Variants in SPEG observed in about 807,000 individuals in gnomAD.
SPEG encodes striated muscle preferentially expressed protein kinase.
In SPEG, 114 loss-of-function variants were observed where a neutral mutation model predicts 300.4. The ratio of observed to expected loss-of-function variants is 0.38; its 90% CI spans 0.33 to 0.44. SPEG has a LOEUF of 0.44. SPEG is among the 20% of genes least tolerant of loss of function. SPEG has a pLI of 1.00. For synonymous variants in SPEG, 1,964 were observed against 2,018.9 expected, an observed-to-expected ratio of 0.97 and a Z score of 0.73; for missense variants, 4,201 against 4,586.2, an observed-to-expected ratio of 0.92 and a Z score of 2.43.
In SPEG at chr2:219,451,768, G is replaced by A; in HGVS notation, c.2401G>A (p.Gly801Ser). The part of the protein sequence containing the change: ...SYMATATNEL[G>S]QATCAASLTV... Reference sequence around the variant, plus strand: ...TATGGCCACCGCCACCAACGAGCTGGGCCAGGCCACCTGTGCCGCCTCACT... The same window carrying A: ...TATGGCCACCGCCACCAACGAGCTGAGCCAGGCCACCTGTGCCGCCTCACT... Residue 801 changes from glycine to serine, a missense_variant, in exon 6 of 41, where the codon GGC becomes AGC. Gly to Ser is a moderately conservative substitution (Grantham distance 56). Coordinates refer to ENST00000312358, the MANE Select transcript of SPEG (RefSeq NM_005876.5). The surrounding 1 kb of genome is among the most constrained non-coding windows in gnomAD (Gnocchi z 6.4). 4.5e-6 allele frequency: 7 copies of A among 1,554,876 alleles called. No individual in the cohort carries two copies. Among genetic ancestry groups the A allele is most frequent in the Non-Finnish European group, 5.2e-6 (6 of 1,149,634 alleles).
rs1452084626 is a variant in SPEG at position 219,448,678 on chromosome 2, G to A, written c.1520G>A (p.Arg507Gln). Residue 507 changes from arginine to glutamine, a missense_variant, in exon 4 of 41, where the codon CGG (arginine) becomes CAG (glutamine). Coordinates refer to ENST00000312358, the MANE Select transcript of SPEG (RefSeq NM_005876.5). Reference protein sequence around the residue: ...ELGRIRRSTSREELVRSHESL... With the variant: ...ELGRIRRSTSQEELVRSHESL... ...GGCCGCATCCGCCGCTCCACGTCGC[G>A]GGAGGAGCTGGTGCGCTCGCACGAG... 1 of 1,492,634 alleles carries A rather than the reference G, an allele frequency of 6.7e-7. No homozygotes were observed. The highest frequency in any genetic ancestry group is 1.3e-5 in the South Asian group (1 of 79,884). The allele number at this position is 1,492,634 out of a possible 1,614,324, so 92.5% of individuals were successfully genotyped here.
chr2:219,463,210 GAA>G (rs909570579), intron 8 of SPEG, among the ~76,000 whole-genome samples: 1 of 146,502 alleles, frequency 6.8e-6, no homozygotes, highest in Non-Finnish European at 1.5e-5. Flanking sequence ...CCCTATTGCT[GAA>G]AAAAAAAAGA....
In SPEG at chr2:219,480,581, C is replaced by T. The variant is rs1353606054; in HGVS notation, c.5343-90C>T. The T allele has an allele frequency of 5.8e-6, 8 of 1,367,708 alleles. No individual in the cohort carries two copies. Among genetic ancestry groups the T allele is most frequent in the Non-Finnish European group, 7.3e-6 (7 of 957,032 alleles). The allele number at this position is 1,367,708 out of a possible 1,614,324, so 84.7% of individuals were successfully genotyped here. A position where few individuals can be genotyped will look rare whatever the true frequency, so the allele number is the denominator to read the frequency against. ...CATGGCAGTGTTCCCAGGGAGGTAACAGCTCACTCAGGTCAGCAGTAGCAA... is the reference window on the plus strand; with the variant it reads ...CATGGCAGTGTTCCCAGGGAGGTAATAGCTCACTCAGGTCAGCAGTAGCAA... On this transcript the variant is annotated intron_variant, in intron 25 of 40. Transcript: ENST00000312358. This position sits in a 1 kb window ranked among gnomAD's most constrained non-coding sequence, Gnocchi z 5.3.
chr2:219,482,764 C>T lies in SPEG; in HGVS notation c.5566-20C>T. 1.2e-6 allele frequency: 2 copies of T among 1,612,534 alleles called. No individual in the cohort carries two copies. The highest frequency in any genetic ancestry group is 1.7e-6 in the Non-Finnish European group (2 of 1,178,930). On this transcript the variant is annotated intron_variant, in intron 28 of 40. Transcript: ENST00000312358. ...CTAGGTTGACAGCTTTCCCTCAAGC[C>T]CTCTTTCCTGGGTTTGCAGACTCAG...
chr2:219,488,687 A>G, intron 33 of SPEG, 22 bp downstream of exon 33: 2 of 1,602,484 alleles, frequency 1.2e-6, no homozygotes, highest in Non-Finnish European at 1.7e-6. Flanking sequence ...GCAGGGCCCC[A>G]GGGGGGTAGT....
rs759882998 is a variant in SPEG at position 219,473,715 on chromosome 2, A to G, written c.4272-13A>G. ...GCAAGATCTGGGTGACCTCCCTGTC[A>G]TGTGTCCCCTAGCTGCCGAGGGGCC... On this transcript the variant is annotated splice_polypyrimidine_tract_variant and intron_variant, in intron 17 of 40. Transcript: ENST00000312358. This position sits in a 1 kb window ranked among gnomAD's most constrained non-coding sequence, Gnocchi z 4.6. 6.8e-6 allele frequency: 11 copies of G among 1,612,666 alleles called. No homozygotes were observed. Among genetic ancestry groups the G allele is most frequent in the Non-Finnish European group, 9.3e-6 (11 of 1,179,148 alleles).
rs115604136 is a variant in SPEG, at chr2:219,478,310, C to T, written c.5027+205C>T. On this transcript the variant is annotated intron_variant, in intron 22 of 40. Coordinates refer to ENST00000312358, the MANE Select transcript of SPEG (RefSeq NM_005876.5). ...CATAGCATTTAATGTGTGTGCCTGG[C>T]AGTGTTCTAAGAGTTTTACAAATAT... Among the ~76,000 whole-genome samples, 566 of 152,326 alleles carry T rather than the reference C, an allele frequency of 3.7e-3. 2 individuals carry two copies. Among genetic ancestry groups the T allele is most frequent in the African/African-American group, 0.013 (547 of 41,576 alleles).
chr2:219,480,186 G>A lies in SPEG; in HGVS notation c.5342+46G>A. 2 of 1,598,810 alleles carry A rather than the reference G, an allele frequency of 1.3e-6. No individual in the cohort carries two copies. Among genetic ancestry groups the A allele is most frequent in the Non-Finnish European group, 1.7e-6 (2 of 1,169,046 alleles). ...TGGGCCGACCAGGGCAGCTGCCCTT[G>A]GGGCTGTGCTGGGGACGCGCTCACT... On this transcript the variant is annotated intron_variant, in intron 25 of 40. Coordinates refer to ENST00000312358, the MANE Select transcript of SPEG (RefSeq NM_005876.5). The surrounding 1 kb of genome is among the most constrained non-coding windows in gnomAD (Gnocchi z 5.3).
At chr2:219,467,628 C>T (rs912611256) in intron 10 of SPEG, among the ~76,000 whole-genome samples, 194 bp downstream of exon 10, 2 of 152,186 alleles carry the variant, frequency 1.3e-5, no homozygotes, top group East Asian at 1.9e-4. Flanking sequence ...AAGGAAAGGC[C>T]GCAACAGGGT....
In SPEG at chr2:219,484,856, T is replaced by C. The variant is rs1019475834; in HGVS notation, c.7393T>C (p.Ser2465Pro). 3.3e-6 allele frequency: 5 copies of C among 1,522,276 alleles called. No homozygotes were observed. The highest frequency in any genetic ancestry group is 3.5e-6 in the Non-Finnish European group (4 of 1,142,570). 94.3% of individuals were successfully genotyped at this position (1,522,276 alleles called of 1,614,324 possible). Residue 2465 changes from serine to proline, a missense_variant, in exon 30 of 41, where the codon TCC (serine) becomes CCC (proline). Coordinates refer to ENST00000312358, the MANE Select transcript of SPEG (RefSeq NM_005876.5). Reference sequence around the variant, plus strand: ...GCTGAGCTTCACCCTGGAGCGGCTGTCCAGCCGATTGCAGCGCAGTGGCAG... The same window carrying C: ...GCTGAGCTTCACCCTGGAGCGGCTGCCCAGCCGATTGCAGCGCAGTGGCAG... ...RRLSFTLERL[S>P]SRLQRSGSSE...
chr2:219,473,374 C>T lies in SPEG; in HGVS notation c.4148-130C>T. The T allele has an allele frequency of 5.1e-6, 5 of 980,418 alleles. No homozygotes were observed. The highest frequency in any genetic ancestry group is 7.7e-6 in the Non-Finnish European group (5 of 650,050). The allele number at this position is 980,418 out of a possible 1,614,324, so 60.7% of individuals were successfully genotyped here. On this transcript the variant is annotated intron_variant, in intron 16 of 40. Coordinates refer to ENST00000312358, the MANE Select transcript of SPEG (RefSeq NM_005876.5). The surrounding 1 kb of genome is among the most constrained non-coding windows in gnomAD (Gnocchi z 4.6). ...TGTGTTCCCCTGACAAATCGCTAAA[C>T]CTCTCTGAGCTTCAGCTTTCCCATC...
At chr2:219,449,320 G>T in intron 4 of SPEG, 49 bp downstream of exon 4, 2 of 1,333,032 alleles carry the variant, frequency 1.5e-6, no homozygotes, top group South Asian at 1.9e-5. Context: ...CCGTCGGGGG[G>T]CGTTTGTGGA....
In SPEG at chr2:219,444,648, T is replaced by C; in HGVS notation, c.389-5T>C. 5.6e-6 allele frequency: 9 copies of C among 1,613,698 alleles called. No individual in the cohort carries two copies. Among genetic ancestry groups the C allele is most frequent in the Non-Finnish European group, 7.6e-6 (9 of 1,179,724 alleles). On this transcript the variant is annotated splice_region_variant and splice_polypyrimidine_tract_variant and intron_variant, in intron 1 of 40. Coordinates refer to ENST00000312358, the MANE Select transcript of SPEG (RefSeq NM_005876.5). This position sits in a 1 kb window ranked among gnomAD's most constrained non-coding sequence, Gnocchi z 7.8. ...CCCTGCCCACACAGACCCCTTCTTCTCCAGACTCAGAGACGGCTGAGGATG... is the reference window on the plus strand; with the variant it reads ...CCCTGCCCACACAGACCCCTTCTTCCCCAGACTCAGAGACGGCTGAGGATG...
rs933038018 is a variant in SPEG at position 219,488,850 on chromosome 2, C to T, written c.8099C>T (p.Pro2700Leu). ...YQDTALVLWK[P>L]GDSRAPCTYT... ...GACACGGCGCTGGTGCTGTGGAAGC[C>T]GGGAGACAGCCGGGCACCTTGCACG... The change falls in exon 34 of 41, where the codon CCG (proline) becomes CTG (leucine). Residue 2700 changes from proline (P) to leucine (L), a missense_variant. By Grantham distance (98) the Pro-to-Leu change is moderately conservative (BLOSUM62 -3). This residue lies in a region of SPEG where 1,578 missense variants were observed against 1,506.0 expected (regional missense o/e 1.05). Coordinates refer to ENST00000312358, the MANE Select transcript of SPEG (RefSeq NM_005876.5). 10 of 1,588,662 alleles carry T rather than the reference C, an allele frequency of 6.3e-6. No homozygotes were observed. Among genetic ancestry groups the T allele is most frequent in the East Asian group, 2.3e-5 (1 of 43,940 alleles).
chr2:219,437,838 C>G (rs1362390281), intron 1 of SPEG, among the ~76,000 whole-genome samples: 1 of 152,116 alleles, frequency 6.6e-6, no homozygotes, highest in Non-Finnish European at 1.5e-5. Flanking sequence ...GGGCAAGCAG[C>G]TCGGCATTGC....
rs753894926 is a variant in SPEG at position 219,473,058 on chromosome 2, C to T, written c.4109C>T (p.Pro1370Leu). The part of the protein sequence containing the change: ...LSTTVKSSSK[P>L]SPPSEPVQLL... ...ACCACTGTCAAGAGCAGCAGCAAGC[C>T]CTCACCCCCTTCTGAGCCTGTGCAG... Residue 1370 changes from proline to leucine, a missense_variant, in exon 16 of 41, where the codon CCC (proline) becomes CTC (leucine). Transcript: ENST00000312358. The surrounding 1 kb of genome is among the most constrained non-coding windows in gnomAD (Gnocchi z 4.6). 6.2e-7 allele frequency: 1 copy of T among 1,613,826 alleles called. No individual in the cohort carries two copies. The highest frequency in any genetic ancestry group is 1.3e-5 in the African/African-American group (1 of 74,928).
rs1362024724 is a variant in SPEG at position 219,483,177 on chromosome 2, G to C, written c.5714G>C (p.Trp1905Ser). Residue 1905 changes from tryptophan to serine, a missense_variant, in exon 30 of 41, where the codon TGG (tryptophan) becomes TCG (serine). Trp to Ser is a radical substitution (Grantham distance 177). This residue lies in a region of SPEG where 1,578 missense variants were observed against 1,506.0 expected (regional missense o/e 1.05). Transcript: ENST00000312358. ...ELLRAPPERV[W>S]VTMPRRPPPS... The stretch of plus-strand genomic sequence containing the variant: ...CTGCGGGCCCCCCCAGAGCGGGTGT[G>C]GGTGACCATGCCCAGAAGGCCACCC... 3 of 1,609,648 alleles carry C rather than the reference G, an allele frequency of 1.9e-6. No individual in the cohort carries two copies. Among genetic ancestry groups the C allele is most frequent in the Non-Finnish European group, 2.5e-6 (3 of 1,179,140 alleles).
Position 219,488,662 on chromosome 2 carries a change from G to A in SPEG, c.8023G>A (p.Ala2675Thr). ...CACCAGCTCCTGTACCGTGGCTGTG[G>A]CCCGTGAGCCTGGGGCAGGGCCCCA... ...SITSSCTVAV[A>T]RVPGKLAPPE... The change falls in exon 33 of 41, where the codon GCC (alanine) becomes ACC (threonine). Residue 2675 changes from alanine to threonine, a missense_variant. Around this residue, in one of 4 missense-constraint regions of SPEG, gnomAD observed 1,578 missense variants for 1,506.0 expected, o/e 1.05. Transcript: ENST00000312358. 6.2e-7 allele frequency: 1 copy of A among 1,601,182 alleles called. No individual in the cohort carries two copies. Among genetic ancestry groups the A allele is most frequent in the East Asian group, 2.2e-5 (1 of 44,680 alleles).
chr2:219,448,570 A>T lies in SPEG; in HGVS notation c.1412A>T (p.Gln471Leu). ...GTGGCCGAGCGGCGCCGCCTGTTCC[A>T]GCAGAAAGCGGCCTCGCTGGACGAG... ...GSVAERRRLF[Q>L]QKAASLDERT... Residue 471 changes from glutamine (Q) to leucine (L), a missense_variant, in exon 4 of 41, where the codon CAG becomes CTG. By Grantham distance (113) the Gln-to-Leu change is moderately radical. Around this residue, in one of 4 missense-constraint regions of SPEG, gnomAD observed 1,258 missense variants for 1,293.9 expected, o/e 0.97. Transcript: ENST00000312358. 1.4e-6 allele frequency: 2 copies of T among 1,451,882 alleles called. No individual in the cohort carries two copies. The highest frequency in any genetic ancestry group is 2.9e-5 in the East Asian group (1 of 34,174). The allele number at this position is 1,451,882 out of a possible 1,614,324, so 89.9% of individuals were successfully genotyped here.
Sources: gnomAD v4.1 joint callset for allele counts (sites outside exome capture counted in the v4.1 genomes callset) on GRCh38, gnomAD v4.1.1 for gene constraint, gnomAD v4.1.1 regional missense constraint, Gnocchi (gnomAD v3.1) non-coding constraint, MANE v1.5 for transcripts, NCBI Gene and HGNC (gene_info 2026-07-23, HGNC 2026-07-21) for gene names.